VAV1: variants seen among roughly 807,000 people sequenced by gnomAD.
VAV1 encodes proto-oncogene vav.
A neutral mutation model predicts 128.1 loss-of-function variants in VAV1; 33 were observed. That is an observed-to-expected ratio of 0.26 (90% CI 0.20 to 0.34). VAV1 has a LOEUF of 0.34. VAV1 is among the 10% of genes least tolerant of loss of function. The pLI is 1.00. For missense variants in VAV1, 715 were observed against 1,093.7 expected (o/e 0.65, Z 4.88); for synonymous variants, 394 against 409.8 (o/e 0.96, Z 0.47).
At chr19:6,839,965 T>C (rs1972328971) in intron 21 of VAV1, among the ~76,000 whole-genome samples, 2 of 152,218 alleles carry the variant, frequency 1.3e-5, no homozygotes, top group Admixed American at 6.5e-5. Flanking sequence ...GTGCTGGGAT[T>C]ACAGGCCTGA....
intron 14 of VAV1, among the ~76,000 whole-genome samples, chr19:6,831,022 T>A (rs1412969147): frequency 6.6e-6 from 1 of 151,700 alleles, no homozygotes; most frequent in Non-Finnish European, 1.5e-5. Context: ...TGGCTAGGAG[T>A]TGGAGGCTGC....
At chr19:6,830,015 A>C (rs1972017402) in intron 14 of VAV1, 97 bp downstream of exon 14, 5 of 1,567,136 alleles carry the variant, frequency 3.2e-6, no homozygotes, top group African/African-American at 2.7e-5. Flanking sequence ...CTACATCTAC[A>C]TGGAAGTGTG....
intron 19 of VAV1, chr19:6,836,181 A>G: frequency 2.4e-6 from 1 of 408,654 alleles, no homozygotes; most frequent in Non-Finnish European, 4.4e-6. Flanking sequence ...GCCAGGACAC[A>G]TGTTTTCATT....
At chr19:6,852,855 C>A in intron 24 of VAV1, 110 bp from the exon 25 acceptor site, 1 of 789,460 alleles carries the variant, frequency 1.3e-6, no homozygotes, top group Non-Finnish European at 2.0e-6. Context: ...TCCAAAGAGG[C>A]CAGAAACAGG....
rs757968281 is a variant in VAV1 at position 6,848,120 on chromosome 19, TC to T, written c.2129+8del. 1.2e-5 allele frequency: 19 copies of T among 1,545,056 alleles called. No homozygotes were observed. In the African/African-American group the frequency reaches 2.3e-4, roughly 19 times the overall value. On this transcript the variant is annotated splice_region_variant and intron_variant, in intron 23 of 26. Transcript: ENST00000602142. ...GAATTTGCCATCAGCATTAAGTAAC[TC>T]CTTTCTCCCTGACTCATACCCTTTT...
chr19:6,853,980 C>G lies in VAV1; in HGVS notation c.2366C>G (p.Ala789Gly). 6.2e-7 allele frequency: 1 copy of G among 1,613,342 alleles called. No homozygotes were observed. Among genetic ancestry groups the G allele is most frequent in the Non-Finnish European group, 8.5e-7 (1 of 1,180,020 alleles). The change falls in exon 26 of 27, where the codon GCC becomes GGC. Residue 789 changes from alanine (A) to glycine (G), a missense_variant. By Grantham distance (60) the Ala-to-Gly change is moderately conservative. Transcript: ENST00000602142. The part of the protein sequence containing the change: ...GSTKYFGTAK[A>G]RYDFCARDRS... ...ACAAAGTATTTTGGCACAGCCAAAGCCCGCTATGACTTCTGCGCCCGAGAC... is the reference window on the plus strand; with the variant it reads ...ACAAAGTATTTTGGCACAGCCAAAGGCCGCTATGACTTCTGCGCCCGAGAC...
chr19:6,856,991 G>A, intron 26 of VAV1, 63 bp from the exon 27 acceptor site: 2 of 1,501,132 alleles, frequency 1.3e-6, no homozygotes, highest in South Asian at 1.1e-5. Flanking sequence ...CCTGCCTGGT[G>A]TGTGGAGGGG....
At chr19:6,797,329 C>T (rs10417656) in intron 1 of VAV1, among the ~76,000 whole-genome samples, 10,362 of 151,992 alleles carry the variant, frequency 0.068, 1,179 homozygotes, top group African/African-American at 0.24. Flanking sequence ...CCTTTTTACC[C>T]CCTTCACACT....
chr19:6,777,751 T>C lies in VAV1; in HGVS notation c.204+4740T>C, dbSNP rs1568279827. On this transcript the variant is annotated intron_variant, in intron 1 of 26. Transcript: ENST00000602142. This position sits in a 1 kb window ranked among gnomAD's most constrained non-coding sequence, Gnocchi z 4.4. ...GATCTGAGGCCCAGGGAGAGAATGA[T>C]ACCATCATGAGAAGCCACAGCTATA... Among the ~76,000 whole-genome samples, 1 of 152,106 alleles carries C rather than the reference T, an allele frequency of 6.6e-6. No homozygotes were observed. The highest frequency in any genetic ancestry group is 2.4e-5 in the African/African-American group (1 of 41,418).
rs961927286 is a variant in VAV1, at chr19:6,772,748, C to T, written c.-60C>T. Reference sequence around the variant, plus strand: ...TCCACAGGCGAGCAGGGCAGGCGTGCGGGCGGGTGGGTGGTGGAGGCTGCG... The same window carrying T: ...TCCACAGGCGAGCAGGGCAGGCGTGTGGGCGGGTGGGTGGTGGAGGCTGCG... On this transcript the variant is annotated 5_prime_UTR_variant, in exon 1 of 27. Transcript: ENST00000602142. This position sits in a 1 kb window ranked among gnomAD's most constrained non-coding sequence, Gnocchi z 4.8. The T allele has an allele frequency of 7.7e-5, 119 of 1,539,340 alleles. No homozygotes were observed. The highest frequency in any genetic ancestry group is 9.9e-5 in the Non-Finnish European group (113 of 1,136,714).
At chr19:6,800,792 TTG>T (rs34312529) in intron 1 of VAV1, among the ~76,000 whole-genome samples, 6 of 147,704 alleles carry the variant, frequency 4.1e-5, no homozygotes, top group African/African-American at 1.2e-4. Context: ...TGGCAAATTT[TTG>T]TGTGTGTGTG....
intron 1 of VAV1, among the ~76,000 whole-genome samples, chr19:6,796,532 C>G (rs1488979694): frequency 6.6e-6 from 1 of 152,176 alleles, no homozygotes; most frequent in African/African-American, 2.4e-5. Context: ...TTCCCTCTGC[C>G]TGAAATGCTT....
In VAV1 at chr19:6,826,097, G is replaced by A. The variant is rs998975160; in HGVS notation, c.828-515G>A. Among the ~76,000 whole-genome samples, 4 of 152,186 alleles carry A rather than the reference G, an allele frequency of 2.6e-5. No individual in the cohort carries two copies. In the South Asian group the frequency reaches 8.3e-4, roughly 32 times the overall value. On this transcript the variant is annotated intron_variant, in intron 8 of 26. Coordinates refer to ENST00000602142, the MANE Select transcript of VAV1 (RefSeq NM_005428.4). This position sits in a 1 kb window ranked among gnomAD's most constrained non-coding sequence, Gnocchi z 4.1. Reference sequence around the variant, plus strand: ...TCACGCCTGTAATTCCAGCACTTTGGGAGGCCGAGGAGGGCAGATCACTTG... The same window carrying A: ...TCACGCCTGTAATTCCAGCACTTTGAGAGGCCGAGGAGGGCAGATCACTTG...
intron 15 of VAV1, among the ~76,000 whole-genome samples, chr19:6,832,551 C>CTCCTCCTCTCCTTCCTCCCCT (rs1972090877): frequency 9.4e-6 from 1 of 106,904 alleles, no homozygotes; most frequent in Non-Finnish European, 1.9e-5. Flanking sequence ...CTTCTTCTTC[C>CTCCTCCTCTCCTTCCTCCCCT]TCCTCCTCTC....
At chr19:6,783,271 T>C (rs1410620773) in intron 1 of VAV1, among the ~76,000 whole-genome samples, 5 of 152,212 alleles carry the variant, frequency 3.3e-5, no homozygotes, top group African/African-American at 4.8e-5. Context: ...TTACTTCTTA[T>C]TGATGTCACA....
chr19:6,798,670 C>A (rs903022939), intron 1 of VAV1, among the ~76,000 whole-genome samples: 5 of 150,852 alleles, frequency 3.3e-5, no homozygotes, highest in Admixed American at 3.3e-4. Context: ...CCCCCCCCCA[C>A]CCAAAAGAAG....
At position 6,844,063 on chromosome 19, in the gene VAV1, C is replaced by CTTTTTT; in HGVS notation, c.2012+933_2012+938dup. On this transcript the variant is annotated intron_variant, in intron 22 of 26. Transcript: ENST00000602142. ...ACTTTCTTCTTTTCTTCTTCTTCTT[C>CTTTTTT]TTTTTTTTTTTTTTTTTTTTTTTTT... Among the ~76,000 whole-genome samples, 92 of 21,324 alleles carry CTTTTTT rather than the reference C, an allele frequency of 4.3e-3. 26 individuals carry two copies. The highest frequency in any genetic ancestry group is 9.0e-3 in the East Asian group (4 of 446). 14.0% of individuals were successfully genotyped at this position (21,324 alleles called of 152,430 possible). A position where few individuals can be genotyped will look rare whatever the true frequency, so the allele number is the denominator to read the frequency against.
intron 26 of VAV1, 50 bp downstream of exon 26, chr19:6,854,148 TG>T: frequency 6.3e-7 from 1 of 1,597,618 alleles, no homozygotes; most frequent in Non-Finnish European, 8.5e-7. Context: ...GTTGAGCTGG[TG>T]GTGGACGAGA....
chr19:6,804,243 T>G lies in VAV1; in HGVS notation c.205-16459T>G, dbSNP rs1278594224. Among the ~76,000 whole-genome samples the G allele has an allele frequency of 2.0e-5, 3 of 151,034 alleles. No homozygotes were observed. The East Asian group carries it at 5.9e-4, about 30-fold the overall frequency. On this transcript the variant is annotated intron_variant, in intron 1 of 26. Transcript: ENST00000602142. ...GCTTAGCCTGTGAGGCTTCTTGGTT[T>G]CACCCAAGAAGCCTCACAGGCTAAG...
Sources: gnomAD v4.1 joint callset for allele counts (sites outside exome capture counted in the v4.1 genomes callset) on GRCh38, gnomAD v4.1.1 for gene constraint, Gnocchi (gnomAD v3.1) non-coding constraint, MANE v1.5 for transcripts, NCBI Gene and HGNC (gene_info 2026-07-23, HGNC 2026-07-21) for gene names.